ASAH1: variants seen among roughly 807,000 people sequenced by gnomAD.
ASAH1 encodes the protein acid ceramidase.
In ASAH1, 70 loss-of-function variants were observed where a neutral mutation model predicts 59.5. The ratio of observed to expected loss-of-function variants is 1.18; its 90% confidence interval spans 0.97 to 1.43. ASAH1 has a LOEUF of 1.43. ASAH1 is among the 40% of genes most tolerant of loss of function. The pLI is 0.00. For missense variants in ASAH1, 660 were observed against 482.5 expected (o/e 1.37, Z -3.45); for synonymous variants, 213 against 166.5 (o/e 1.28, Z -2.15).
At chr8:18,071,647 A>T (rs544624498) in intron 2 of ASAH1, among the ~76,000 whole-genome samples, 23 of 152,248 alleles carry the variant, frequency 1.5e-4, no homozygotes, top group Admixed American at 5.9e-4. Flanking sequence ...TTCTATGAAA[A>T]AATCAACTAT....
chr8:18,061,329 G>T, intron 10 of ASAH1, 48 bp downstream of exon 10: 1 of 1,421,732 alleles, frequency 7.0e-7, no homozygotes, highest in South Asian at 1.2e-5. Flanking sequence ...TTTTTAATAT[G>T]AGTAATTTAA....
upstream of ASAH1, chr8:18,084,283 C>A (rs1348865103): frequency 2.0e-5 from 29 of 1,438,594 alleles, no homozygotes; most frequent in Middle Eastern, 2.5e-4. Flanking sequence ...GCCTTCCAGG[C>A]TACCTGCAGA....
rs1197070013 is a variant in ASAH1, at chr8:18,064,090, G to C, written c.457+367C>G. 6 of 383,218 alleles carry C rather than the reference G, an allele frequency of 1.6e-5. No homozygotes were observed. In the East Asian group the frequency reaches 2.2e-4, roughly 14 times the overall value. 23.7% of individuals were successfully genotyped at this position (383,218 alleles called of 1,614,324 possible). On this transcript the variant is annotated intron_variant, in intron 6 of 13. Transcript: ENST00000637790. The stretch of plus-strand genomic sequence containing the variant: ...AAAGGATGGGAGAATGTGTGTTCTG[G>C]GCCTCAAGAAAAGGACAGATGTCAT...
In ASAH1 at chr8:18,075,584, T is replaced by A; in HGVS notation, c.82A>T (p.Thr28Ser). The A allele has an allele frequency of 6.2e-7, 1 of 1,614,114 alleles. No homozygotes were observed. The highest frequency in any genetic ancestry group is 1.3e-5 in the African/African-American group (1 of 75,042). Residue 28 changes from threonine (T) to serine (S), a missense_variant, in exon 2 of 14, where the codon ACA (threonine) becomes TCA (serine). Physicochemically the swap from Thr to Ser is moderately conservative, Grantham distance 58. Transcript: ENST00000637790. ...TAGGTTGATTTTCTGCAGTCCTCTG[T>A]CCACTGAAAAGCAAAGAAAATTAAG... The part of the protein sequence containing the change: ...CAVAQHAPPW[T>S]EDCRKSTYPP...
chr8:18,057,442 G>C lies in ASAH1; in HGVS notation c.*92C>G. ...CAAAGAGAACCTGCCGCGAGTCTTA[G>C]TCTTTGGAAGGTCAGACAGCTGCAG... On this transcript the variant is annotated 3_prime_UTR_variant, in exon 14 of 14. Coordinates refer to ENST00000637790, the MANE Select transcript of ASAH1 (RefSeq NM_177924.5). 2.0e-6 allele frequency: 2 copies of C among 1,002,840 alleles called. No homozygotes were observed. The highest frequency in any genetic ancestry group is 3.1e-6 in the Non-Finnish European group (2 of 653,158). 62.1% of individuals were successfully genotyped at this position (1,002,840 alleles called of 1,614,324 possible). A position where few individuals can be genotyped will look rare whatever the true frequency, so the allele number is the denominator to read the frequency against.
chr8:18,061,253 G>T lies in ASAH1; in HGVS notation c.785+124C>A. ...GAGTAATTCCACATGAGTGTCAGAG[G>T]TTCACCTAAGAAATTCTGCAATAGT... On this transcript the variant is annotated intron_variant, in intron 10 of 13. Transcript: ENST00000637790. 5.0e-6 allele frequency: 4 copies of T among 795,848 alleles called. No homozygotes were observed. In the South Asian group the frequency reaches 7.1e-5, roughly 14 times the overall value. The allele number at this position is 795,848 out of a possible 1,614,324, so 49.3% of individuals were successfully genotyped here.
upstream of ASAH1, chr8:18,084,119 C>T (rs1349118924): frequency 2.6e-5 from 42 of 1,586,640 alleles, no homozygotes; most frequent in Non-Finnish European, 3.4e-5. Context: ...GCCGGCTGGG[C>T]CGGGGGCAGG....
At chr8:18,062,136 C>T in intron 8 of ASAH1, 143 bp downstream of exon 8, 1 of 1,101,998 alleles carries the variant, frequency 9.1e-7, no homozygotes, top group Non-Finnish European at 1.3e-6. Context: ...AGATCTCATA[C>T]CTATGAAGTG....
rs749026263 is a variant in ASAH1 at position 18,063,246 on chromosome 8, C to T, written c.458-16G>A. 10 of 1,608,468 alleles carry T rather than the reference C, an allele frequency of 6.2e-6. No individual in the cohort carries two copies. The South Asian group carries it at 1.1e-4, about 18-fold the overall frequency. The stretch of plus-strand genomic sequence containing the variant: ...ATTAGATGACCTATTTGAAGGTAGA[C>T]AGAAGAGACGTGTAATAGCAGTTAA... On this transcript the variant is annotated splice_polypyrimidine_tract_variant and intron_variant, in intron 6 of 13. Coordinates refer to ENST00000637790, the MANE Select transcript of ASAH1 (RefSeq NM_177924.5).
At chr8:18,070,017 G>T (rs1421793274) in intron 3 of ASAH1, 139 bp from the exon 4 acceptor site, 1 of 556,918 alleles carries the variant, frequency 1.8e-6, no homozygotes. Context: ...ATCTCGCTCT[G>T]TCACCCAGGC....
chr8:18,059,313 C>G (rs1291931698), intron 12 of ASAH1, 28 bp downstream of exon 12: 2 of 1,613,992 alleles, frequency 1.2e-6, no homozygotes, highest in African/African-American at 2.7e-5. Flanking sequence ...GCAACAGTTT[C>G]TTTCTATAGA....
chr8:18,077,234 T>C (rs1800441176), intron 1 of ASAH1, among the ~76,000 whole-genome samples: 1 of 152,204 alleles, frequency 6.6e-6, no homozygotes, highest in Admixed American at 6.5e-5. Flanking sequence ...CAATAACACA[T>C]GTGAGATTCC....
In ASAH1 at chr8:18,062,429, A is replaced by G; in HGVS notation, c.504-6T>C. On this transcript the variant is annotated splice_polypyrimidine_tract_variant and splice_region_variant and intron_variant, in intron 7 of 13. Coordinates refer to ENST00000637790, the MANE Select transcript of ASAH1 (RefSeq NM_177924.5). ...TATCATTATTTATGTTCCACCTATA[A>G]AAGACATGTTTCAGTGACATTTCAG... 1.2e-6 allele frequency: 2 copies of G among 1,613,930 alleles called. No individual in the cohort carries two copies. Among genetic ancestry groups the G allele is most frequent in the Non-Finnish European group, 1.7e-6 (2 of 1,179,910 alleles).
intron 7 of ASAH1, 100 bp downstream of exon 7, chr8:18,063,085 G>A: frequency 1.8e-6 from 2 of 1,108,200 alleles, no homozygotes; most frequent in Non-Finnish European, 2.8e-6. Flanking sequence ...GGCCAGGCTG[G>A]TCTTGAACTC....
intron 2 of ASAH1, among the ~76,000 whole-genome samples, chr8:18,074,083 A>G (rs994689151): frequency 1.3e-5 from 2 of 152,244 alleles, no homozygotes; most frequent in African/African-American, 4.8e-5. Context: ...CATTCAATTT[A>G]TAGACACATG....
chr8:18,065,500 G>A (rs980697466), intron 5 of ASAH1: 7 of 151,990 alleles, frequency 4.6e-5, no homozygotes, highest in African/African-American at 1.7e-4. Context: ...TGACACTACT[G>A]CTTTGCTAGC....
chr8:18,067,188 T>TG (rs759739038), intron 5 of ASAH1, 32 bp downstream of exon 5: 1 of 1,073,046 alleles, frequency 9.3e-7, no homozygotes, highest in East Asian at 2.9e-5. Context: ...ATTTAATTAC[T>TG]TTTTTTTTTA....
intron 1 of ASAH1, among the ~76,000 whole-genome samples, chr8:18,081,936 GA>G (rs1681613811): frequency 6.6e-6 from 1 of 152,298 alleles, no homozygotes; most frequent in Non-Finnish European, 1.5e-5. Context: ...CTTGGCACAG[GA>G]GGGTCCAAAT....
chr8:18,074,972 G>A (rs914040084), intron 2 of ASAH1, among the ~76,000 whole-genome samples: 2 of 151,936 alleles, frequency 1.3e-5, no homozygotes, highest in African/African-American at 4.8e-5. Context: ...TGGTAGACAG[G>A]AGAATTGAGT....
Sources: allele counts gnomAD v4.1 joint callset (sites outside exome capture counted in the v4.1 genomes callset), GRCh38; gene constraint gnomAD v4.1.1; transcripts MANE v1.5; gene names NCBI Gene and HGNC (gene_info 2026-07-23, HGNC 2026-07-21).